Variants in ZMAT4 observed in about 807,000 individuals in gnomAD.
The protein encoded by ZMAT4 is zinc finger matrin-type 4.
ZMAT4 carries 17 observed loss-of-function variants against 28.7 expected under a neutral mutation model. The observed-to-expected ratio is 0.59, with a 90% CI of 0.41 to 0.89. The LOEUF (loss-of-function observed/expected upper bound fraction) is 0.89, where lower values mean the gene tolerates loss of function less well. ZMAT4 is among the 40% of genes least tolerant of loss of function. ZMAT4 has a pLI of 0.00. For missense variants in ZMAT4, 240 were observed against 283.8 expected, an observed-to-expected ratio of 0.85 and a Z score of 1.11; for synonymous variants, 117 against 109.2, an observed-to-expected ratio of 1.07 and a Z score of -0.44.
At chr8:40,719,395 T>G (rs1810985199) in intron 3 of ZMAT4, among the ~76,000 whole-genome samples, 1 of 151,830 alleles carries the variant, frequency 6.6e-6, no homozygotes, top group South Asian at 2.1e-4. Context: ...TGAGCTGAGA[T>G]CGTGCCATCC....
At chr8:40,579,021 C>A (rs1189387378) in intron 6 of ZMAT4, among the ~76,000 whole-genome samples, 1 of 152,198 alleles carries the variant, frequency 6.6e-6, no homozygotes, top group African/African-American at 2.4e-5. Flanking sequence ...CTTTACCTCT[C>A]TAAGCATTAG....
At chr8:40,601,318 A>G (rs748692200) in intron 5 of ZMAT4, among the ~76,000 whole-genome samples, 3 of 150,892 alleles carry the variant, frequency 2.0e-5, no homozygotes, top group Non-Finnish European at 4.4e-5. Flanking sequence ...CTTTTGAAAT[A>G]AGTGATTTAT....
chr8:40,751,007 G>A (rs781587691), intron 3 of ZMAT4, among the ~76,000 whole-genome samples: 20 of 152,294 alleles, frequency 1.3e-4, no homozygotes, highest in Non-Finnish European at 2.5e-4. Context: ...AAAGGATGTG[G>A]TGTATAATCT....
rs1483267219 is a variant in ZMAT4 at position 40,531,852 on chromosome 8, T to A, written c.*371A>T. Reference sequence around the variant, plus strand: ...TGGTTTACATCACACTCATTGAGGATTTAACAGAATAATTATGCTCTGAGG... The same window carrying A: ...TGGTTTACATCACACTCATTGAGGAATTAACAGAATAATTATGCTCTGAGG... On this transcript the variant is annotated 3_prime_UTR_variant, in exon 7 of 7. Transcript: ENST00000297737. The A allele has an allele frequency of 5.8e-6, 1 of 172,648 alleles. No individual in the cohort carries two copies. The highest frequency in any genetic ancestry group is 2.4e-5 in the African/African-American group (1 of 42,348). The allele number at this position is 172,648 out of a possible 1,614,324, so 10.7% of individuals were successfully genotyped here.
intron 3 of ZMAT4, among the ~76,000 whole-genome samples, chr8:40,763,484 G>T (rs1012917402): frequency 6.6e-6 from 1 of 152,090 alleles, no homozygotes; most frequent in African/African-American, 2.4e-5. Flanking sequence ...AACACGTGTG[G>T]AAAGTGCATG....
intron 3 of ZMAT4, among the ~76,000 whole-genome samples, chr8:40,757,547 C>T (rs1005138445): frequency 1.3e-5 from 2 of 150,308 alleles, no homozygotes; most frequent in Admixed American, 6.6e-5. Context: ...GATTGTGCCA[C>T]TGCACTCCAG....
At chr8:40,602,243 C>A (rs1284295119) in intron 5 of ZMAT4, among the ~76,000 whole-genome samples, 6 of 152,090 alleles carry the variant, frequency 3.9e-5, no homozygotes, top group Non-Finnish European at 2.9e-5. Flanking sequence ...ACATATATAT[C>A]ACGTTTTCTT....
At chr8:40,669,417 A>G (rs1251965207) in intron 5 of ZMAT4, among the ~76,000 whole-genome samples, 1 of 151,964 alleles carries the variant, frequency 6.6e-6, no homozygotes, top group African/African-American at 2.4e-5. Context: ...ATGATGATGT[A>G]TTTCATAAAG....
Position 40,538,145 on chromosome 8 carries a change from G to A in ZMAT4, c.675-5907C>T, listed in dbSNP as rs1009477957. Among the ~76,000 whole-genome samples, 36 of 152,214 alleles carry A rather than the reference G, an allele frequency of 2.4e-4. 1 individual carries two copies. The highest frequency in any genetic ancestry group is 8.7e-4 in the African/African-American group (36 of 41,518). On this transcript the variant is annotated intron_variant, in intron 6 of 6. Coordinates refer to ENST00000297737, the MANE Select transcript of ZMAT4 (RefSeq NM_024645.3). ...GAACATCAATACAGACTTTAAGTCTGATAAGAAACACTTTGCAACCTATTT... is the reference window on the plus strand; with the variant it reads ...GAACATCAATACAGACTTTAAGTCTAATAAGAAACACTTTGCAACCTATTT...
intron 5 of ZMAT4, among the ~76,000 whole-genome samples, chr8:40,662,662 A>C (rs1808251370): frequency 6.6e-6 from 1 of 152,166 alleles, no homozygotes; most frequent in African/African-American, 2.4e-5. Context: ...TAGTATGTAA[A>C]CACACGACTG....
intron 3 of ZMAT4, among the ~76,000 whole-genome samples, chr8:40,765,475 T>C (rs1378518189): frequency 1.3e-5 from 2 of 152,222 alleles, no homozygotes; most frequent in African/African-American, 2.4e-5. Flanking sequence ...ACTGGTTTGC[T>C]TTTATATTAT....
intron 1 of ZMAT4, among the ~76,000 whole-genome samples, chr8:40,881,702 T>A (rs1159431938): frequency 6.6e-6 from 1 of 152,190 alleles, no homozygotes; most frequent in Non-Finnish European, 1.5e-5. Context: ...ATGGATCAGC[T>A]TGAAAAAACA....
At chr8:40,748,850 G>A (rs1035589762) in intron 3 of ZMAT4, among the ~76,000 whole-genome samples, 4 of 151,980 alleles carry the variant, frequency 2.6e-5, no homozygotes, top group Non-Finnish European at 5.9e-5. Flanking sequence ...CTCCCTATCA[G>A]ATATGGTTTG....
At chr8:40,730,565 T>A (rs913231446) in intron 3 of ZMAT4, among the ~76,000 whole-genome samples, 2 of 152,220 alleles carry the variant, frequency 1.3e-5, no homozygotes, top group South Asian at 4.1e-4. Context: ...CTATGTTCTG[T>A]GTATGCAGGT....
chr8:40,715,171 G>A (rs369314583), intron 3 of ZMAT4, among the ~76,000 whole-genome samples: 20 of 152,064 alleles, frequency 1.3e-4, no homozygotes, highest in African/African-American at 4.3e-4. Context: ...GAAGTAGAAG[G>A]AACAGTGAGT....
At chr8:40,731,052 G>A (rs1224464977) in intron 3 of ZMAT4, among the ~76,000 whole-genome samples, 1 of 150,442 alleles carries the variant, frequency 6.6e-6, no homozygotes, top group Admixed American at 6.7e-5. Context: ...AAGAACCCTG[G>A]CCTTCAAATA....
intron 5 of ZMAT4, among the ~76,000 whole-genome samples, chr8:40,601,585 A>T (rs1164511233): frequency 1.3e-4 from 1 of 7,506 alleles, no homozygotes; most frequent in Non-Finnish European, 3.5e-4. Flanking sequence ...AAAGAAAGAA[A>T]GAAAGAAAGA....
intron 5 of ZMAT4, among the ~76,000 whole-genome samples, chr8:40,622,528 A>T (rs2118695489): frequency 6.6e-6 from 1 of 152,312 alleles, no homozygotes; most frequent in Admixed American, 6.5e-5. Flanking sequence ...TTTATGTTTC[A>T]TTTGCTAAAG....
intron 2 of ZMAT4, among the ~76,000 whole-genome samples, chr8:40,796,776 C>A (rs1814618481): frequency 6.6e-6 from 1 of 152,162 alleles, no homozygotes; most frequent in African/African-American, 2.4e-5. Flanking sequence ...GAATTCTTTC[C>A]CCTTTCAGTC....
Sources: gnomAD v4.1 joint callset for allele counts (sites outside exome capture counted in the v4.1 genomes callset) on GRCh38, gnomAD v4.1.1 for gene constraint, MANE v1.5 for transcripts, NCBI Gene and HGNC (gene_info 2026-07-23, HGNC 2026-07-21) for gene names.